The following FHIT variants were observed in gnomAD, a reference collection of about 807,000 sequenced individuals.
FHIT encodes bis(5'-adenosyl)-triphosphatase.
In FHIT, 19 loss-of-function variants were observed where a neutral mutation model predicts 17.9. That is an observed-to-expected ratio of 1.06 (90% confidence interval 0.74 to 1.56). FHIT has a LOEUF of 1.56. Among genes scored for constraint, FHIT ranks in the 40% most tolerant of loss-of-function variants. FHIT has a pLI of 0.00. For synonymous variants in FHIT, 81 were observed against 69.7 expected (o/e 1.16, Z -0.81); for missense variants, 248 against 189.2 (o/e 1.31, Z -1.82).
intron 3 of FHIT, among the ~76,000 whole-genome samples, chr3:60,834,014 T>A (rs1049931590): frequency 6.6e-6 from 1 of 152,204 alleles, no homozygotes; most frequent in Admixed American, 6.5e-5. Flanking sequence ...GGACCACAGT[T>A]TGCTTAACCA....
chr3:60,428,837 C>T (rs1468128683), intron 5 of FHIT, among the ~76,000 whole-genome samples: 1 of 152,100 alleles, frequency 6.6e-6, no homozygotes, highest in African/African-American at 2.4e-5. Context: ...GAGGCAGATA[C>T]TAGTGTTGTT....
intron 5 of FHIT, among the ~76,000 whole-genome samples, chr3:60,149,842 C>T (rs930832027): frequency 2.7e-5 from 4 of 148,354 alleles, no homozygotes; most frequent in Admixed American, 6.8e-5. Context: ...CTAATCCATT[C>T]TAATCAGGGT....
intron 3 of FHIT, among the ~76,000 whole-genome samples, chr3:60,865,518 G>C (rs1057060541): frequency 6.6e-6 from 1 of 152,058 alleles, no homozygotes; most frequent in Non-Finnish European, 1.5e-5. Context: ...ATTAAATTCA[G>C]ACTTACTTAT....
intron 3 of FHIT, among the ~76,000 whole-genome samples, chr3:60,901,383 A>G (rs1553763144): frequency 1.3e-5 from 2 of 152,232 alleles, no homozygotes; most frequent in East Asian, 1.9e-4. Flanking sequence ...AAATAACATA[A>G]CAATGACTTT....
intron 3 of FHIT, among the ~76,000 whole-genome samples, chr3:60,860,060 C>A (rs868966591): frequency 2.9e-5 from 2 of 68,736 alleles, no homozygotes; most frequent in Non-Finnish European, 5.9e-5. Context: ...CAAAAAGATA[C>A]ATATATATGA....
intron 5 of FHIT, among the ~76,000 whole-genome samples, chr3:60,251,068 C>A (rs371313069): frequency 6.6e-5 from 10 of 152,182 alleles, no homozygotes; most frequent in African/African-American, 2.4e-4. Flanking sequence ...TTCACATATG[C>A]TTCCCCCATA....
chr3:60,013,362 T>C (rs939944817), intron 6 of FHIT, among the ~76,000 whole-genome samples: 1 of 152,186 alleles, frequency 6.6e-6, no homozygotes, highest in Admixed American at 6.5e-5. Context: ...ACCCCAGCCC[T>C]TTCCATAGAG....
chr3:60,118,311 T>C (rs1323482604), intron 5 of FHIT, among the ~76,000 whole-genome samples: 2 of 151,538 alleles, frequency 1.3e-5, no homozygotes, highest in African/African-American at 4.8e-5. Flanking sequence ...AGACAGGGTC[T>C]TTTCCAGGAT....
intron 5 of FHIT, among the ~76,000 whole-genome samples, chr3:60,440,801 C>T (rs933915140): frequency 6.6e-5 from 10 of 152,008 alleles, no homozygotes; most frequent in Middle Eastern, 3.2e-3. Context: ...TAGACTCTTT[C>T]ACACACTCTC....
intron 2 of FHIT, among the ~76,000 whole-genome samples, chr3:61,086,738 A>G (rs1268395734): frequency 2.0e-5 from 3 of 151,938 alleles, no homozygotes; most frequent in African/African-American, 7.3e-5. Flanking sequence ...CTCTTGGTGG[A>G]TTATTAGCTA....
intron 5 of FHIT, among the ~76,000 whole-genome samples, chr3:60,148,970 T>C (rs1035916033): frequency 2.0e-5 from 3 of 152,162 alleles, no homozygotes; most frequent in African/African-American, 7.2e-5. Flanking sequence ...CAGTAATCCT[T>C]TGAGCATGCC....
chr3:60,050,037 T>C (rs1479867196), intron 5 of FHIT, among the ~76,000 whole-genome samples: 1 of 152,220 alleles, frequency 6.6e-6, no homozygotes, highest in African/African-American at 2.4e-5. Context: ...CTCAGAATAC[T>C]GAAAGTGTAC....
rs782743635 is a variant in FHIT at position 60,882,543 on chromosome 3, C to T, written c.-110-60532G>A. Among the ~76,000 whole-genome samples the T allele has an allele frequency of 7.2e-5, 11 of 151,984 alleles. No homozygotes were observed. The South Asian group carries it at 1.0e-3, about 14-fold the overall frequency. ...CATGATCAAGTGGGATTTATCCCAG[C>T]GATGCAAGGACGGTTCAACATATGC... is the stretch of plus-strand genomic sequence containing the variant. On this transcript the variant is annotated intron_variant, in intron 3 of 9. Transcript: ENST00000492590.
chr3:60,851,906 A>G (rs1032597251), intron 3 of FHIT, among the ~76,000 whole-genome samples: 1 of 152,128 alleles, frequency 6.6e-6, no homozygotes, highest in Admixed American at 6.5e-5. Flanking sequence ...CTGAAAAAAG[A>G]AAAAAAGCAA....
intron 8 of FHIT, among the ~76,000 whole-genome samples, chr3:59,892,864 G>A (rs1356687972): frequency 1.3e-5 from 2 of 152,066 alleles, no homozygotes; most frequent in Non-Finnish European, 1.5e-5. Context: ...ATGCTCTTTG[G>A]TCATATTTGG....
At chr3:60,260,218 G>GATA (rs1401598892) in intron 5 of FHIT, among the ~76,000 whole-genome samples, 1 of 151,988 alleles carries the variant, frequency 6.6e-6, no homozygotes, top group African/African-American at 2.4e-5. Context: ...GGGTGTAGGA[G>GATA]GTTGGTTCAC....
intron 5 of FHIT, among the ~76,000 whole-genome samples, chr3:60,363,512 T>C (rs1477558346): frequency 6.6e-6 from 1 of 152,194 alleles, no homozygotes; most frequent in African/African-American, 2.4e-5. Context: ...CTGACTTGTA[T>C]ACTGCCGCTA....
intron 5 of FHIT, among the ~76,000 whole-genome samples, chr3:60,129,556 A>T (rs1699436201): frequency 6.6e-6 from 1 of 152,128 alleles, no homozygotes; most frequent in South Asian, 2.1e-4. Flanking sequence ...GAGGCTCTTA[A>T]CAAAGCTGTA....
At chr3:59,967,774 TTC>T (rs1449684287) in intron 7 of FHIT, among the ~76,000 whole-genome samples, 30 of 152,050 alleles carry the variant, frequency 2.0e-4, no homozygotes, top group African/African-American at 7.2e-4. Flanking sequence ...GCTACCATAA[TTC>T]TGCTTTAGGG....
Sources: allele counts gnomAD v4.1 joint callset (sites outside exome capture counted in the v4.1 genomes callset), GRCh38; gene constraint gnomAD v4.1.1; transcripts MANE v1.5; gene names NCBI Gene and HGNC (gene_info 2026-07-23, HGNC 2026-07-21).